CTNND2: variants seen among roughly 807,000 people sequenced by gnomAD.
The protein encoded by CTNND2 is catenin delta-2.
In CTNND2, 22 loss-of-function variants were observed where a neutral mutation model predicts 144.4. The observed-to-expected ratio is 0.15, with a 90% CI of 0.11 to 0.22. CTNND2 has a LOEUF of 0.22. Among genes scored for constraint, CTNND2 ranks in the 10% least tolerant of loss-of-function variants. The pLI is 1.00. For synonymous variants in CTNND2, 751 were observed against 695.6 expected, an observed-to-expected ratio of 1.08 and a Z score of -1.25; for missense variants, 1,353 against 1,618.8, an observed-to-expected ratio of 0.84 and a Z score of 2.82.
At chr5:11,482,900 G>A (rs1012886972) in intron 3 of CTNND2, among the ~76,000 whole-genome samples, 1 of 152,064 alleles carries the variant, frequency 6.6e-6, no homozygotes, top group African/African-American at 2.4e-5. Context: ...GAGTTGGTGT[G>A]AGAGGGTCAG....
intron 3 of CTNND2, among the ~76,000 whole-genome samples, chr5:11,454,298 T>C (rs1765539116): frequency 2.0e-5 from 3 of 152,070 alleles, no homozygotes; most frequent in Non-Finnish European, 1.5e-5. Flanking sequence ...TGTGTGCCTG[T>C]AGTCCCAGCT....
intron 9 of CTNND2, among the ~76,000 whole-genome samples, chr5:11,264,990 G>A (rs26460): frequency 0.15 from 23,047 of 151,814 alleles, 1,975 homozygotes; most frequent in African/African-American, 0.22. Context: ...CTTGGCAAAA[G>A]AACTAGATCA....
In CTNND2 at chr5:11,363,069, G is replaced by A. The variant is rs149811766; in HGVS notation, c.1372+1627C>T. 4.2e-3 allele frequency among the ~76,000 whole-genome samples: 641 copies of A among 152,276 alleles called. 5 individuals are homozygous for A. Among genetic ancestry groups the A allele is most frequent in the African/African-American group, 0.014 (601 of 41,540 alleles). On this transcript the variant is annotated intron_variant, in intron 8 of 21. Coordinates refer to ENST00000304623, the MANE Select transcript of CTNND2 (RefSeq NM_001332.4). ...TTTTTCCCCCCAATCATTTAAAAATGCAGTCATCATTCTTAGCTCATGGGC... is the reference window on the plus strand; with the variant it reads ...TTTTTCCCCCCAATCATTTAAAAATACAGTCATCATTCTTAGCTCATGGGC...
chr5:11,465,588 G>C (rs900798320), intron 3 of CTNND2, among the ~76,000 whole-genome samples: 1 of 152,128 alleles, frequency 6.6e-6, no homozygotes, highest in Non-Finnish European at 1.5e-5. Context: ...ATTGACTGTG[G>C]TGTTCCTGAT....
intron 2 of CTNND2, among the ~76,000 whole-genome samples, chr5:11,705,706 T>C (rs1295862655): frequency 1.3e-5 from 2 of 152,210 alleles, no homozygotes; most frequent in Admixed American, 6.5e-5. Flanking sequence ...GACTTGAACC[T>C]TGATCCTTTT....
chr5:11,416,066 G>A (rs7703654), intron 3 of CTNND2, among the ~76,000 whole-genome samples: 23,055 of 152,036 alleles, frequency 0.15, 3,285 homozygotes, highest in African/African-American at 0.38. Flanking sequence ...AAAACAAAAA[G>A]GTGAATTCCT....
At chr5:11,493,245 T>C (rs1769613042) in intron 3 of CTNND2, among the ~76,000 whole-genome samples, 1 of 152,184 alleles carries the variant, frequency 6.6e-6, no homozygotes, top group Non-Finnish European at 1.5e-5. Flanking sequence ...GGGTTATGAT[T>C]CCATCAGTAC....
intron 11 of CTNND2, among the ~76,000 whole-genome samples, chr5:11,167,806 GT>G (rs1759494101): frequency 1.3e-5 from 2 of 150,286 alleles, no homozygotes; most frequent in African/African-American, 2.5e-5. Flanking sequence ...CTGAGCCCAA[GT>G]GATCCTCCCA....
intron 16 of CTNND2, among the ~76,000 whole-genome samples, chr5:11,056,133 T>C (rs1210050260): frequency 6.6e-6 from 1 of 152,196 alleles, no homozygotes; most frequent in African/African-American, 2.4e-5. Flanking sequence ...TGAATAAAAA[T>C]TAGAAGTTTA....
rs546262272 is a variant in CTNND2, at chr5:11,503,437, C to T, written c.287+61507G>A. 5.3e-5 allele frequency among the ~76,000 whole-genome samples: 8 copies of T among 152,280 alleles called. No homozygotes were observed. In the East Asian group the frequency reaches 5.8e-4, roughly 11 times the overall value. On this transcript the variant is annotated intron_variant, in intron 3 of 21. Transcript: ENST00000304623. The stretch of plus-strand genomic sequence containing the variant: ...GGCCTATGTGACCCTCAAATGTCTC[C>T]GTTGACCAAGGTTTTCTTATTATTT...
intron 9 of CTNND2, among the ~76,000 whole-genome samples, chr5:11,253,633 G>C (rs562922787): frequency 5.1e-4 from 77 of 151,942 alleles, no homozygotes; most frequent in Non-Finnish European, 8.5e-4. Flanking sequence ...CCCAGTCTTG[G>C]GTATGTCTTT....
At chr5:11,746,455 C>T (rs1028256891) in intron 1 of CTNND2, among the ~76,000 whole-genome samples, 1 of 152,032 alleles carries the variant, frequency 6.6e-6, no homozygotes, top group East Asian at 1.9e-4. Context: ...TCACTAAGAA[C>T]TGTGATGATC....
intron 3 of CTNND2, among the ~76,000 whole-genome samples, chr5:11,527,248 A>G (rs1185866442): frequency 6.6e-6 from 1 of 152,240 alleles, no homozygotes; most frequent in Non-Finnish European, 1.5e-5. Context: ...ACAATAAAAA[A>G]AAAGAAAAAA....
intron 12 of CTNND2, among the ~76,000 whole-genome samples, chr5:11,118,149 C>G (rs1275389060): frequency 6.6e-6 from 1 of 152,192 alleles, no homozygotes; most frequent in Non-Finnish European, 1.5e-5. Flanking sequence ...ACATGCTGAG[C>G]TAATGGCAAC....
chr5:11,047,517 A>G (rs138022553), intron 16 of CTNND2, among the ~76,000 whole-genome samples: 5 of 152,332 alleles, frequency 3.3e-5, no homozygotes, highest in African/African-American at 9.6e-5. Context: ...GTATGGCTCC[A>G]TGTCTACATA....
At chr5:11,600,648 A>G (rs2561619) in intron 2 of CTNND2, among the ~76,000 whole-genome samples, 75,191 of 148,718 alleles carry the variant, frequency 0.51, 19,742 homozygotes, top group Middle Eastern at 0.71. Flanking sequence ...AGAGGTTCCA[A>G]TAAGCCAAGA....
chr5:11,213,796 C>T (rs1274303587), intron 10 of CTNND2, among the ~76,000 whole-genome samples: 2 of 151,142 alleles, frequency 1.3e-5, no homozygotes, highest in Non-Finnish European at 2.9e-5. Context: ...ATGTTACACG[C>T]ATGCCGATAA....
At chr5:11,847,963 G>T (rs922235725) in intron 1 of CTNND2, among the ~76,000 whole-genome samples, 10 of 151,896 alleles carry the variant, frequency 6.6e-5, no homozygotes, top group Non-Finnish European at 7.4e-5. Flanking sequence ...TTAAAAACTG[G>T]ACGGCGTTTA....
intron 3 of CTNND2, among the ~76,000 whole-genome samples, chr5:11,495,423 G>A (rs1412214417): frequency 1.3e-5 from 2 of 152,076 alleles, no homozygotes; most frequent in Non-Finnish European, 2.9e-5. Flanking sequence ...CCAAAAACTT[G>A]CAGTTTCCAA....
Sources: gnomAD v4.1 joint callset for allele counts (sites outside exome capture counted in the v4.1 genomes callset) on GRCh38, gnomAD v4.1.1 for gene constraint, MANE v1.5 for transcripts, NCBI Gene and HGNC (gene_info 2026-07-23, HGNC 2026-07-21) for gene names.